SLC2A5: variants seen among roughly 807,000 people sequenced by gnomAD.
SLC2A5 encodes the protein solute carrier family 2, facilitated glucose transporter member 5.
SLC2A5 carries 56 observed loss-of-function variants against 50.3 expected under a neutral mutation model. That is an observed-to-expected ratio of 1.11 (90% CI 0.90 to 1.39). SLC2A5 has a LOEUF of 1.39. Ranked by LOEUF, SLC2A5 falls within the 40% of genes most tolerant of loss-of-function variation. The pLI, the probability that SLC2A5 is intolerant of heterozygous loss-of-function variation, is 0.00. For synonymous variants in SLC2A5, 269 were observed against 281.9 expected (o/e 0.95, Z 0.46); for missense variants, 566 against 650.1 (o/e 0.87, Z 1.41).
chr1:9,039,838 C>A lies in SLC2A5; in HGVS notation c.847G>T (p.Val283Phe). 6.2e-7 allele frequency: 1 copy of A among 1,608,384 alleles called. No individual in the cohort carries two copies. The highest frequency in any genetic ancestry group is 8.5e-7 in the Non-Finnish European group (1 of 1,178,028). Residue 283 changes from valine to phenylalanine, a missense_variant, in exon 7 of 12, where the codon GTC becomes TTC. Physicochemically the swap from Val to Phe is conservative, Grantham distance 50. Transcript: ENST00000377424. ...SLRWQLLSII[V>F]LMGGQQLSGV... The stretch of plus-strand genomic sequence containing the variant: ...GACAGCTGCTGGCCGCCCATGAGGA[C>A]GATGATGGACAGCAGCTGCCAGCGC...
chr1:9,053,970 C>T (rs377419826), intron 3 of SLC2A5, among the ~76,000 whole-genome samples: 15 of 151,842 alleles, frequency 9.9e-5, no homozygotes, highest in Admixed American at 2.0e-4. Flanking sequence ...ATTTTAAAAA[C>T]GAATAAATAG....
At position 9,039,809 on chromosome 1, in the gene SLC2A5, G is replaced by T. The variant is rs1341174707; in HGVS notation, c.876C>A (p.Gly292=). 1 of 1,587,592 alleles carries T rather than the reference G, an allele frequency of 6.3e-7. No homozygotes were observed. The highest frequency in any genetic ancestry group is 8.6e-7 in the Non-Finnish European group (1 of 1,168,186). Residue 292 remains glycine (G), a synonymous_variant, in exon 7 of 12, where the codon GGC becomes GGA. Coordinates refer to ENST00000377424, the MANE Select transcript of SLC2A5 (RefSeq NM_003039.3). ...GCAGCCCGGCCCATACAGCGTTGACGCCCGACAGCTGCTGGCCGCCCATGA... is the reference window on the plus strand; with the variant it reads ...GCAGCCCGGCCCATACAGCGTTGACTCCCGACAGCTGCTGGCCGCCCATGA... ...IVLMGGQQLS[G]VNAIYYYADQ...
At chr1:9,071,989 TC>T, upstream of SLC2A5, 1 of 142,822 alleles carries the variant, frequency 7.0e-6, no homozygotes. Context: ...TCAGCCCAGA[TC>T]CCCCCCAGCC....
Position 9,039,681 on chromosome 1 carries a change from G to A in SLC2A5, c.886-19C>T. 6.6e-7 allele frequency: 1 copy of A among 1,504,172 alleles called. No homozygotes were observed. Among genetic ancestry groups the A allele is most frequent in the Non-Finnish European group, 8.9e-7 (1 of 1,124,472 alleles). The allele number at this position is 1,504,172 out of a possible 1,614,324, so 93.2% of individuals were successfully genotyped here. A position where few individuals can be genotyped will look rare whatever the true frequency, so the allele number is the denominator to read the frequency against. On this transcript the variant is annotated intron_variant, in intron 7 of 11. Coordinates refer to ENST00000377424, the MANE Select transcript of SLC2A5 (RefSeq NM_003039.3). Reference sequence around the variant, plus strand: ...AGTAGATCTGCAAGGCAAGCGCGGGGCTGGGCGGCTGCCCGGAGGAGGCGG... The same window carrying A: ...AGTAGATCTGCAAGGCAAGCGCGGGACTGGGCGGCTGCCCGGAGGAGGCGG...
intron 2 of SLC2A5, 69 bp downstream of exon 2, chr1:9,058,083 G>T (rs1231552327): frequency 1.9e-5 from 22 of 1,182,898 alleles, no homozygotes; most frequent in Non-Finnish European, 6.3e-6. Context: ...CCCCACGCTG[G>T]CCAGTCCCAC....
At chr1:9,047,485 A>G (rs1254751000) in intron 4 of SLC2A5, 125 bp downstream of exon 4, 1 of 931,804 alleles carries the variant, frequency 1.1e-6, no homozygotes. Flanking sequence ...TCTGTTTCAC[A>G]GCAGAGGTAT....
chr1:9,063,794 C>G (rs1642010980), intron 1 of SLC2A5, among the ~76,000 whole-genome samples: 1 of 135,156 alleles, frequency 7.4e-6, no homozygotes, highest in African/African-American at 2.9e-5. Flanking sequence ...CTCCCGGGTT[C>G]ACGCCATTCT....
In SLC2A5 at chr1:9,037,756, C is replaced by T. The variant is rs200623738; in HGVS notation, c.1336G>A (p.Ala446Thr). ...ATGGTGGTGAGGAGGCAGATCACGG[C>T]GAAGACAATGAAGCTGTACGGGCCG... The part of the protein sequence containing the change: ...GLGPYSFIVF[A>T]VICLLTTIYI... The change falls in exon 12 of 12, where the codon GCC (alanine) becomes ACC (threonine). Residue 446 changes from alanine (A) to threonine (T), a missense_variant. By Grantham distance (58) the Ala-to-Thr change is moderately conservative. Transcript: ENST00000377424. 6.8e-6 allele frequency: 11 copies of T among 1,614,004 alleles called. No homozygotes were observed. The highest frequency in any genetic ancestry group is 4.5e-5 in the East Asian group (2 of 44,898).
At chr1:9,070,323 C>A (rs1383556634), upstream of SLC2A5, among the ~76,000 whole-genome samples, 1 of 152,080 alleles carries the variant, frequency 6.6e-6, no homozygotes, top group African/African-American at 2.4e-5. Flanking sequence ...TCAAGTGATC[C>A]ACCCTCCTTG....
chr1:9,091,101 TTAG>T (rs1642457583), upstream of SLC2A5, among the ~76,000 whole-genome samples: 1 of 152,226 alleles, frequency 6.6e-6, no homozygotes, highest in African/African-American at 2.4e-5. Context: ...CTTCCTCGGA[TTAG>T]TGGGCTATTT....
chr1:9,040,078 G>T lies in SLC2A5; in HGVS notation c.683C>A (p.Ala228Glu), dbSNP rs781436741. The change falls in exon 6 of 12, where the codon GCG becomes GAG. Residue 228 changes from alanine (A) to glutamate (E), a missense_variant. Physicochemically the swap from Ala to Glu is moderately radical, Grantham distance 107. Coordinates refer to ENST00000377424, the MANE Select transcript of SLC2A5 (RefSeq NM_003039.3). This position sits in a 1 kb window ranked among gnomAD's most constrained non-coding sequence, Gnocchi z 4.3. ...RYLLIQKKDE[A>E]AAKKALQTLR... Reference sequence around the variant, plus strand: ...GCCCTCGTTACCTTTCTTGGCGGCCGCTTCGTCTTTCTTCTGAATCAGCAG... The same window carrying T: ...GCCCTCGTTACCTTTCTTGGCGGCCTCTTCGTCTTTCTTCTGAATCAGCAG... The T allele has an allele frequency of 8.2e-6, 13 of 1,590,308 alleles. No individual in the cohort carries two copies. In the South Asian group the frequency reaches 1.1e-4, roughly 14 times the overall value.
upstream of SLC2A5, among the ~76,000 whole-genome samples, chr1:9,073,276 A>G (rs1207147309): frequency 6.6e-6 from 1 of 152,248 alleles, no homozygotes; most frequent in African/African-American, 2.4e-5. Context: ...GTAGTAATAG[A>G]ATTGGGAACA....
intron 4 of SLC2A5, 128 bp from the exon 5 acceptor site, chr1:9,042,065 A>G: frequency 7.8e-7 from 1 of 1,277,754 alleles, no homozygotes; most frequent in East Asian, 2.6e-5. Flanking sequence ...GCAAAGGAGA[A>G]AGCAAACACC....
Position 9,037,318 on chromosome 1 carries a change from C to G in SLC2A5, c.*268G>C. ...TGGAGCCACGTTACCAGGAGCCACA[C>G]GAAGGCTGAACCAGCAAAGTGGAGG... On this transcript the variant is annotated 3_prime_UTR_variant, in exon 12 of 12. Transcript: ENST00000377424. 4.6e-6 allele frequency: 2 copies of G among 434,416 alleles called. No homozygotes were observed. Among genetic ancestry groups the G allele is most frequent in the South Asian group, 2.4e-5 (1 of 41,578 alleles). 26.9% of individuals were successfully genotyped at this position (434,416 alleles called of 1,614,324 possible).
intron 2 of SLC2A5, among the ~76,000 whole-genome samples, chr1:9,057,914 C>T (rs1446169738): frequency 6.6e-6 from 1 of 152,192 alleles, no homozygotes; most frequent in Non-Finnish European, 1.5e-5. Flanking sequence ...ACAGCAAGGC[C>T]ACAGAAGATC....
chr1:9,065,020 T>C (rs1642043695), intron 1 of SLC2A5, among the ~76,000 whole-genome samples: 1 of 142,536 alleles, frequency 7.0e-6, no homozygotes. Context: ...ACCATTGCAC[T>C]CCAGGATGGG....
intron 4 of SLC2A5, among the ~76,000 whole-genome samples, chr1:9,042,782 T>G (rs1641340448): frequency 6.6e-6 from 1 of 151,974 alleles, no homozygotes; most frequent in African/African-American, 2.4e-5. Flanking sequence ...GAACAGTAAA[T>G]AAACCAATGC....
Position 9,039,893 on chromosome 1 carries a change from G to T in SLC2A5, c.792C>A (p.Ser264=), listed in dbSNP as rs150154380. ...AGCGCATCCGGAACAGCTTCAGCAC[G>T]GAGATGAAGCCCGCGGCCTTCTCTG... The part of the protein sequence containing the change: ...DEAEKAAGFI[S]VLKLFRMRSL... Residue 264 remains serine, a synonymous_variant, in exon 7 of 12, where the codon TCC becomes TCA. Coordinates refer to ENST00000377424, the MANE Select transcript of SLC2A5 (RefSeq NM_003039.3). 2 of 1,612,658 alleles carry T rather than the reference G, an allele frequency of 1.2e-6. No homozygotes were observed. The highest frequency in any genetic ancestry group is 2.2e-5 in the East Asian group (1 of 44,880).
At position 9,040,059 on chromosome 1, in the gene SLC2A5, G is replaced by A. The variant is rs759464202; in HGVS notation, c.697+5C>T. ...GGAGGCCGCCCCCGCCAGAGCCCTCGTTACCTTTCTTGGCGGCCGCTTCGT... is the reference window on the plus strand; with the variant it reads ...GGAGGCCGCCCCCGCCAGAGCCCTCATTACCTTTCTTGGCGGCCGCTTCGT... On this transcript the variant is annotated splice_donor_5th_base_variant and intron_variant, in intron 6 of 11. Coordinates refer to ENST00000377424, the MANE Select transcript of SLC2A5 (RefSeq NM_003039.3). This position sits in a 1 kb window ranked among gnomAD's most constrained non-coding sequence, Gnocchi z 4.3. The A allele has an allele frequency of 6.3e-7, 1 of 1,586,616 alleles. No homozygotes were observed. The highest frequency in any genetic ancestry group is 8.6e-7 in the Non-Finnish European group (1 of 1,164,144).
Sources: gnomAD v4.1 joint callset for allele counts (sites outside exome capture counted in the v4.1 genomes callset) on GRCh38, gnomAD v4.1.1 for gene constraint, Gnocchi (gnomAD v3.1) non-coding constraint, MANE v1.5 for transcripts, NCBI Gene and HGNC (gene_info 2026-07-23, HGNC 2026-07-21) for gene names.